Variants in CERS3 observed in about 807,000 individuals in gnomAD.
The protein encoded by CERS3 is LAG1 homolog, ceramide synthase 3.
A neutral mutation model predicts 50.3 loss-of-function variants in CERS3; 33 were observed. The observed-to-expected ratio is 0.66, with a 90% CI of 0.50 to 0.88. The LOEUF (loss-of-function observed/expected upper bound fraction) is 0.88, where lower values mean the gene tolerates loss of function less well. CERS3 is among the 40% of genes least tolerant of loss of function. The pLI is 0.00. For synonymous variants in CERS3, 176 were observed against 155.2 expected (o/e 1.13, Z -0.99); for missense variants, 470 against 460.3 (o/e 1.02, Z -0.19).
intron 4 of CERS3, among the ~76,000 whole-genome samples, chr15:100,486,922 C>G (rs113988446): frequency 0.023 from 3,452 of 152,188 alleles, 136 homozygotes; most frequent in African/African-American, 0.079. Context: ...AAATAATTGC[C>G]CAATGAATTA....
At chr15:100,415,015 A>G (rs1028243215) in intron 11 of CERS3, among the ~76,000 whole-genome samples, 24 of 152,216 alleles carry the variant, frequency 1.6e-4, no homozygotes, top group Admixed American at 1.2e-3. Context: ...AGAATGGGAG[A>G]AAATTTTTGC....
chr15:100,482,460 C>A (rs574258875), intron 5 of CERS3, among the ~76,000 whole-genome samples: 1 of 152,228 alleles, frequency 6.6e-6, no homozygotes, highest in South Asian at 2.1e-4. Context: ...AAGGCCGCAT[C>A]CACCCAGCCG....
chr15:100,484,097 A>G (rs999541830), intron 5 of CERS3, among the ~76,000 whole-genome samples: 4 of 152,038 alleles, frequency 2.6e-5, no homozygotes, highest in African/African-American at 9.7e-5. Flanking sequence ...AGGCCTTCTC[A>G]GTGTTCTGAG....
rs12909732 is a variant in CERS3 at position 100,469,325 on chromosome 15, G to A, written c.845+53C>T. 665,142 of 1,389,834 alleles carry A rather than the reference G, an allele frequency of 0.48. 162,920 individuals carry two copies. The highest frequency in any genetic ancestry group is 0.52 in the Middle Eastern group (2,924 of 5,602). The allele number at this position is 1,389,834 out of a possible 1,614,324, so 86.1% of individuals were successfully genotyped here. ...AATGCCCTGAGGGTAACCATGCACT[G>A]AGGCCACCTCTGCACACTGACCAAA... On this transcript the variant is annotated intron_variant, in intron 10 of 11. Transcript: ENST00000679737.
rs535565932 is a variant in CERS3, at chr15:100,450,567, G to A, written c.999+5326C>T. Among the ~76,000 whole-genome samples, 9 of 152,208 alleles carry A rather than the reference G, an allele frequency of 5.9e-5. No individual in the cohort carries two copies. In the East Asian group the frequency reaches 1.5e-3, roughly 26 times the overall value. ...TAGCCTACAGGACATATGGGACACT[G>A]TAAGGGAAACAACTTATTGAACTTT... is the stretch of plus-strand genomic sequence containing the variant. On this transcript the variant is annotated intron_variant, in intron 11 of 11. Coordinates refer to ENST00000679737, the MANE Select transcript of CERS3 (RefSeq NM_001378789.1).
At chr15:100,419,485 A>G (rs1336915393) in intron 11 of CERS3, among the ~76,000 whole-genome samples, 202 of 126,908 alleles carry the variant, frequency 1.6e-3, no homozygotes, top group South Asian at 4.0e-3. Flanking sequence ...TAATAATGGG[A>G]GACTTTAATA....
rs7164018 is a variant in CERS3 at position 100,412,954 on chromosome 15, T to A, written c.1000-10089A>T. 5.2e-3 allele frequency among the ~76,000 whole-genome samples: 797 copies of A among 152,166 alleles called. 7 individuals are homozygous for A. The highest frequency in any genetic ancestry group is 0.018 in the African/African-American group (763 of 41,514). On this transcript the variant is annotated intron_variant, in intron 11 of 11. Coordinates refer to ENST00000679737, the MANE Select transcript of CERS3 (RefSeq NM_001378789.1). ...CAGGGCTCAGTCCCACCCTGTAGAGTGATACAGCTTAGTGGCAGCAGAGCC... is the reference window on the plus strand; with the variant it reads ...CAGGGCTCAGTCCCACCCTGTAGAGAGATACAGCTTAGTGGCAGCAGAGCC...
chr15:100,450,550 A>G (rs866796215), intron 11 of CERS3, among the ~76,000 whole-genome samples: 4 of 152,118 alleles, frequency 2.6e-5, no homozygotes, highest in Non-Finnish European at 4.4e-5. Context: ...CATAGCCTAC[A>G]GGACATATGG....
intron 3 of CERS3, among the ~76,000 whole-genome samples, chr15:100,495,103 T>C (rs1308016150): frequency 6.6e-6 from 1 of 152,214 alleles, no homozygotes; most frequent in Non-Finnish European, 1.5e-5. Flanking sequence ...GACAGCATTG[T>C]GAGTAGTGCC....
intron 8 of CERS3, 65 bp downstream of exon 8, chr15:100,476,021 T>A (rs1596727287): frequency 9.7e-7 from 1 of 1,028,640 alleles, no homozygotes; most frequent in East Asian, 2.8e-5. Context: ...AGATTAGAAT[T>A]TGGGGCAGGG....
At chr15:100,522,997 T>C (rs2036681688) in intron 1 of CERS3, among the ~76,000 whole-genome samples, 1 of 152,216 alleles carries the variant, frequency 6.6e-6, no homozygotes. Flanking sequence ...ATTTCTATTG[T>C]CTGTCTTTTA....
intron 11 of CERS3, among the ~76,000 whole-genome samples, chr15:100,449,425 C>CACCTGGGAAAGCT (rs1379471263): frequency 6.6e-6 from 1 of 152,222 alleles, no homozygotes; most frequent in Non-Finnish European, 1.5e-5. Context: ...CCACTGTTGG[C>CACCTGGGAAAGCT]ACCTGGGAAA....
intron 7 of CERS3, among the ~76,000 whole-genome samples, chr15:100,478,377 G>T (rs1034140115): frequency 2.6e-5 from 4 of 152,158 alleles, no homozygotes; most frequent in African/African-American, 9.7e-5. Flanking sequence ...TTAGCCACAA[G>T]TTCCATGAAT....
chr15:100,492,515 C>A (rs1037250345), intron 3 of CERS3, among the ~76,000 whole-genome samples: 1 of 152,154 alleles, frequency 6.6e-6, no homozygotes, highest in African/African-American at 2.4e-5. Flanking sequence ...GATATTAGTA[C>A]AGCTACTCCA....
At chr15:100,493,369 C>T (rs889744270) in intron 3 of CERS3, among the ~76,000 whole-genome samples, 2 of 152,152 alleles carry the variant, frequency 1.3e-5, no homozygotes, top group African/African-American at 4.8e-5. Context: ...TGTCATTCCG[C>T]CGCCTTTGGC....
At chr15:100,465,824 A>G (rs2034696959) in intron 10 of CERS3, among the ~76,000 whole-genome samples, 1 of 151,982 alleles carries the variant, frequency 6.6e-6, no homozygotes, top group Non-Finnish European at 1.5e-5. Context: ...ACACCCGGCT[A>G]ATTTTTGTAT....
rs537892113 is a variant in CERS3 at position 100,507,345 on chromosome 15, C to G, written c.-1-5495G>C. ...AGCTCTAGGCATGGGCTTTAATGGT[C>G]CAGGCTACCCCTCCAGCCAGCCTCA... On this transcript the variant is annotated intron_variant, in intron 2 of 11. Coordinates refer to ENST00000679737, the MANE Select transcript of CERS3 (RefSeq NM_001378789.1). Among the ~76,000 whole-genome samples the G allele has an allele frequency of 1.7e-3, 260 of 152,248 alleles. 1 individual carries two copies. The highest frequency in any genetic ancestry group is 0.016 in the South Asian group (78 of 4,814).
At chr15:100,476,302 A>G (rs1325654683) in intron 7 of CERS3, 124 bp from the exon 8 acceptor site, 1 of 491,210 alleles carries the variant, frequency 2.0e-6, no homozygotes, top group African/African-American at 2.1e-5. Context: ...ACATTGACTG[A>G]TATTTCAATT....
chr15:100,524,671 A>G (rs1431782138), intron 1 of CERS3, among the ~76,000 whole-genome samples: 3 of 152,246 alleles, frequency 2.0e-5, no homozygotes, highest in East Asian at 3.8e-4. Flanking sequence ...GTTTTTAATC[A>G]TATGTCAAAC....
Sources: allele counts gnomAD v4.1 joint callset (sites outside exome capture counted in the v4.1 genomes callset), GRCh38; gene constraint gnomAD v4.1.1; transcripts MANE v1.5; gene names NCBI Gene and HGNC (gene_info 2026-07-23, HGNC 2026-07-21).